Variants in MAN1A2 observed in about 807,000 individuals in gnomAD.
MAN1A2 encodes mannosidase alpha class 1A member 2.
MAN1A2 carries 26 observed loss-of-function variants against 75.7 expected under a neutral mutation model. The ratio of observed to expected loss-of-function variants is 0.34; its 90% CI spans 0.25 to 0.48. MAN1A2 has a LOEUF of 0.48. Among genes scored for constraint, MAN1A2 ranks in the 20% least tolerant of loss-of-function variants. MAN1A2 has a pLI of 0.99. For synonymous variants in MAN1A2, 247 were observed against 264.6 expected (o/e 0.93, Z 0.65); for missense variants, 562 against 775.5 (o/e 0.72, Z 3.27).
chr1:117,409,059 T>A (rs1039540702), intron 3 of MAN1A2, among the ~76,000 whole-genome samples: 1 of 152,134 alleles, frequency 6.6e-6, no homozygotes, highest in Non-Finnish European at 1.5e-5. Flanking sequence ...ATTAATTTTA[T>A]TGATCTTTTC....
At chr1:117,404,670 C>T (rs1647557143) in intron 2 of MAN1A2, among the ~76,000 whole-genome samples, 1 of 152,144 alleles carries the variant, frequency 6.6e-6, no homozygotes, top group East Asian at 1.9e-4. Flanking sequence ...ATTGTTCCTA[C>T]CTGAATCACA....
rs1230102924 is a variant in MAN1A2 at position 117,414,808 on chromosome 1, G to C, written c.751G>C (p.Glu251Gln). ...ATTCCTAGATGGGCAAAGATGGATT[G>C]AAGACAACCTTGATTTCAGTGTGGT... ...DEFLDGQRWI[E>Q]DNLDFSVNSE... The change falls in exon 4 of 13, where the codon GAA (glutamate) becomes CAA (glutamine). Residue 251 changes from glutamate to glutamine, a missense_variant. Physicochemically the swap from Glu to Gln is conservative, Grantham distance 29. Coordinates refer to ENST00000356554, the MANE Select transcript of MAN1A2 (RefSeq NM_006699.5). 1 of 1,604,156 alleles carries C rather than the reference G, an allele frequency of 6.2e-7. No individual in the cohort carries two copies. Among genetic ancestry groups the C allele is most frequent in the Non-Finnish European group, 8.5e-7 (1 of 1,171,640 alleles).
rs191574573 is a variant in MAN1A2 at position 117,402,716 on chromosome 1, C to T, written c.558+275C>T. ...TGTTCAGAGATCTTTTGAAATTCAG[C>T]GTTTTATTAATAATATATCTGTATA... is the stretch of plus-strand genomic sequence containing the variant. On this transcript the variant is annotated intron_variant, in intron 2 of 12. Transcript: ENST00000356554. 1.3e-3 allele frequency among the ~76,000 whole-genome samples: 198 copies of T among 151,606 alleles called. 2 individuals carry two copies. Among genetic ancestry groups the T allele is most frequent in the Non-Finnish European group, 2.1e-3 (144 of 67,840 alleles).
rs1650934343 is a variant in MAN1A2 at position 117,493,137 on chromosome 1, T to C, written c.1169-10T>C. 6.7e-7 allele frequency: 1 copy of C among 1,497,614 alleles called. No homozygotes were observed. The highest frequency in any genetic ancestry group is 2.3e-5 in the East Asian group (1 of 43,932). 92.8% of individuals were successfully genotyped at this position (1,497,614 alleles called of 1,614,324 possible). On this transcript the variant is annotated splice_polypyrimidine_tract_variant and intron_variant, in intron 8 of 12. Coordinates refer to ENST00000356554, the MANE Select transcript of MAN1A2 (RefSeq NM_006699.5). ...TTACCTCTATCCTTCTGTTTTCTCC[T>C]TTGTTACAGATCATACATCTGTCGG...
At chr1:117,402,562 A>G in intron 2 of MAN1A2, 121 bp downstream of exon 2, 2 of 872,718 alleles carry the variant, frequency 2.3e-6, no homozygotes, top group South Asian at 3.4e-5. Flanking sequence ...GTTGTAGTAT[A>G]GTTTCCAGGT....
Position 117,384,826 on chromosome 1 carries a change from T to TA in MAN1A2, c.302+16342dup, listed in dbSNP as rs1653470132. Reference sequence around the variant, plus strand: ...GTATTTTAGAATCAGGTTATGAAGATACCATCCTTATGCTTTCAAGTTTTG... The same window carrying TA: ...GTATTTTAGAATCAGGTTATGAAGATAACCATCCTTATGCTTTCAAGTTTTG... On this transcript the variant is annotated intron_variant, in intron 1 of 12. Coordinates refer to ENST00000356554, the MANE Select transcript of MAN1A2 (RefSeq NM_006699.5). Among the ~76,000 whole-genome samples, 8 of 152,194 alleles carry TA rather than the reference T, an allele frequency of 5.3e-5. No homozygotes were observed. In the South Asian group the frequency reaches 1.7e-3, roughly 31 times the overall value.
At chr1:117,401,984 A>G (rs1647443668) in intron 1 of MAN1A2, among the ~76,000 whole-genome samples, 1 of 152,168 alleles carries the variant, frequency 6.6e-6, no homozygotes, top group South Asian at 2.1e-4. Context: ...GATTATAAAC[A>G]GAGTTTGATC....
At chr1:117,376,196 C>G (rs1653133242) in intron 1 of MAN1A2, among the ~76,000 whole-genome samples, 1 of 152,228 alleles carries the variant, frequency 6.6e-6, no homozygotes, top group Admixed American at 6.5e-5. Flanking sequence ...AGGCGTGAGC[C>G]CACTGCGCCC....
At chr1:117,410,286 T>C (rs921333821) in intron 3 of MAN1A2, among the ~76,000 whole-genome samples, 1 of 151,930 alleles carries the variant, frequency 6.6e-6, no homozygotes, top group African/African-American at 2.4e-5. Flanking sequence ...ATTTGGAAAT[T>C]AGCTAGTGTA....
At position 117,381,631 on chromosome 1, in the gene MAN1A2, T is replaced by C. The variant is rs1377393178; in HGVS notation, c.302+13146T>C. 5.3e-5 allele frequency among the ~76,000 whole-genome samples: 8 copies of C among 152,324 alleles called. No homozygotes were observed. The East Asian group carries it at 1.3e-3, about 26-fold the overall frequency. On this transcript the variant is annotated intron_variant, in intron 1 of 12. Coordinates refer to ENST00000356554, the MANE Select transcript of MAN1A2 (RefSeq NM_006699.5). Reference sequence around the variant, plus strand: ...TCCAAGTCTTTGCTATTGTGAATAGTGCCGCAGTAAACATATGTGTGCATG... The same window carrying C: ...TCCAAGTCTTTGCTATTGTGAATAGCGCCGCAGTAAACATATGTGTGCATG...
In MAN1A2 at chr1:117,433,981, C is replaced by G. The variant is rs539765235; in HGVS notation, c.856-8250C>G. Among the ~76,000 whole-genome samples the G allele has an allele frequency of 1.2e-3, 182 of 152,252 alleles. 1 individual carries two copies. Among genetic ancestry groups the G allele is most frequent in the African/African-American group, 4.0e-3 (166 of 41,532 alleles). On this transcript the variant is annotated intron_variant, in intron 5 of 12. Transcript: ENST00000356554. ...TGTGATTATATGGCATTTGCAGCAG[C>G]TTTAAGGTAATAGATGGAATGGAGT...
At chr1:117,486,059 G>A (rs906652871) in intron 8 of MAN1A2, among the ~76,000 whole-genome samples, 33 of 152,046 alleles carry the variant, frequency 2.2e-4, no homozygotes, top group African/African-American at 7.9e-4. Context: ...TTAAATAATG[G>A]TTGACTACTA....
intron 5 of MAN1A2, among the ~76,000 whole-genome samples, chr1:117,421,939 G>T (rs1557943241): frequency 6.6e-6 from 1 of 151,994 alleles, no homozygotes; most frequent in Non-Finnish European, 1.5e-5. Flanking sequence ...ATCCTACGTT[G>T]TTCATGCCAA....
Position 117,493,131 on chromosome 1 carries a change from T to G in MAN1A2, c.1169-16T>G. 7.0e-7 allele frequency: 1 copy of G among 1,424,934 alleles called. No homozygotes were observed. Among genetic ancestry groups the G allele is most frequent in the Non-Finnish European group, 9.9e-7 (1 of 1,008,646 alleles). 88.3% of individuals were successfully genotyped at this position (1,424,934 alleles called of 1,614,324 possible). A position where few individuals can be genotyped will look rare whatever the true frequency, so the allele number is the denominator to read the frequency against. On this transcript the variant is annotated splice_polypyrimidine_tract_variant and intron_variant, in intron 8 of 12. Coordinates refer to ENST00000356554, the MANE Select transcript of MAN1A2 (RefSeq NM_006699.5). Reference sequence around the variant, plus strand: ...TTGCCTTTACCTCTATCCTTCTGTTTTCTCCTTTGTTACAGATCATACATC... The same window carrying G: ...TTGCCTTTACCTCTATCCTTCTGTTGTCTCCTTTGTTACAGATCATACATC...
intron 1 of MAN1A2, among the ~76,000 whole-genome samples, chr1:117,382,260 G>T (rs1446825190): frequency 6.6e-6 from 1 of 152,182 alleles, no homozygotes; most frequent in East Asian, 1.9e-4. Context: ...CCTTGCCCAT[G>T]CCTATGTCCT....
In MAN1A2 at chr1:117,497,267, A is replaced by T. The variant is rs189801571; in HGVS notation, c.1504+285A>T. Among the ~76,000 whole-genome samples the T allele has an allele frequency of 1.8e-4, 27 of 152,134 alleles. No homozygotes were observed. In the East Asian group the frequency reaches 5.0e-3, roughly 28 times the overall value. On this transcript the variant is annotated intron_variant, in intron 10 of 12. Transcript: ENST00000356554. ...GGGAATATATGGAATAACTTTTAAT[A>T]TAAGAATCTATTTTTGCCATTTCAG...
chr1:117,430,992 G>A (rs1409020917), intron 5 of MAN1A2, among the ~76,000 whole-genome samples: 5 of 135,640 alleles, frequency 3.7e-5, no homozygotes, highest in African/African-American at 5.5e-5. Context: ...CGGATCACTC[G>A]CGGTTAGGGG....
At chr1:117,433,176 A>G (rs1031093709) in intron 5 of MAN1A2, among the ~76,000 whole-genome samples, 1 of 152,036 alleles carries the variant, frequency 6.6e-6, no homozygotes, top group Non-Finnish European at 1.5e-5. Context: ...TCCCAATCCA[A>G]AAACCTGAAA....
At chr1:117,431,999 GA>G (rs1206314962) in intron 5 of MAN1A2, among the ~76,000 whole-genome samples, 36 of 152,164 alleles carry the variant, frequency 2.4e-4, no homozygotes, top group African/African-American at 7.7e-4. Flanking sequence ...AATTAAATTA[GA>G]AATCAATAAT....
Sources: gnomAD v4.1 joint callset for allele counts (sites outside exome capture counted in the v4.1 genomes callset) on GRCh38, gnomAD v4.1.1 for gene constraint, MANE v1.5 for transcripts, NCBI Gene and HGNC (gene_info 2026-07-23, HGNC 2026-07-21) for gene names.